Variants in KMT5B observed in about 807,000 individuals in gnomAD.
The protein encoded by KMT5B is lysine methyltransferase 5B, also known as histone-lysine N-methyltransferase KMT5B.
A neutral mutation model predicts 83.2 loss-of-function variants in KMT5B; 10 were observed. The ratio of observed to expected loss-of-function variants is 0.12; its 90% CI spans 0.07 to 0.20. The LOEUF (loss-of-function observed/expected upper bound fraction) is 0.20, where lower values mean the gene tolerates loss of function less well. Ranked by LOEUF, KMT5B falls within the 10% of genes least tolerant of loss-of-function variation. The probability of loss-of-function intolerance (pLI) is 1.00; values close to 1 mark genes in which losing one functional copy is unlikely to be tolerated. For missense variants in KMT5B, 753 were observed against 1,067.2 expected (o/e 0.71, Z 4.10); for synonymous variants, 349 against 388.8 (o/e 0.90, Z 1.20).
At chr11:68,187,485 T>C (rs931464811) in intron 2 of KMT5B, among the ~76,000 whole-genome samples, 26 of 152,248 alleles carry the variant, frequency 1.7e-4, no homozygotes, top group Non-Finnish European at 2.8e-4. Flanking sequence ...TTCTATGTAT[T>C]TGTGAAATTC....
At position 68,167,193 on chromosome 11, in the gene KMT5B, A is replaced by G. The variant is rs771345791; in HGVS notation, c.978-15T>C. ...CAGTGCCCCGTCTGAAAGAGAAAATAGCACAGGTTAAACAAATAGAACACA... is the reference window on the plus strand; with the variant it reads ...CAGTGCCCCGTCTGAAAGAGAAAATGGCACAGGTTAAACAAATAGAACACA... On this transcript the variant is annotated splice_polypyrimidine_tract_variant and intron_variant, in intron 9 of 10. Transcript: ENST00000304363. The G allele has an allele frequency of 5.4e-5, 86 of 1,591,680 alleles. No homozygotes were observed. The South Asian group carries it at 9.3e-4, about 17-fold the overall frequency.
At chr11:68,181,113 T>C (rs183395635) in intron 3 of KMT5B, among the ~76,000 whole-genome samples, 213 of 151,780 alleles carry the variant, frequency 1.4e-3, no homozygotes, top group African/African-American at 5.0e-3. Context: ...CTCACTCTGT[T>C]GCCCAGGCTG....
intron 10 of KMT5B, among the ~76,000 whole-genome samples, chr11:68,160,151 G>A (rs957413111): frequency 1.3e-5 from 2 of 152,264 alleles, no homozygotes; most frequent in East Asian, 1.9e-4. Context: ...ATTTCTTTAT[G>A]CTTACGAGGC....
rs781777629 is a variant in KMT5B at position 68,160,025 on chromosome 11, G to T, written c.1175-854C>A. On this transcript the variant is annotated intron_variant, in intron 10 of 10. Transcript: ENST00000304363. The stretch of plus-strand genomic sequence containing the variant: ...TGGTAATGACAACCTGAGTAGTGAT[G>T]AATATGATTCCATTTGAGAATGAGC... Among the ~76,000 whole-genome samples, 73 of 152,230 alleles carry T rather than the reference G, an allele frequency of 4.8e-4. 1 individual carries two copies. The highest frequency in any genetic ancestry group is 4.8e-4 in the Non-Finnish European group (33 of 68,046).
At chr11:68,164,036 T>C (rs1352754136) in intron 10 of KMT5B, among the ~76,000 whole-genome samples, 5 of 152,074 alleles carry the variant, frequency 3.3e-5, no homozygotes, top group Non-Finnish European at 7.4e-5. Context: ...ATCACAGCAC[T>C]AACTTCAGAG....
At chr11:68,202,921 A>C (rs999917544) in intron 1 of KMT5B, among the ~76,000 whole-genome samples, 5 of 151,978 alleles carry the variant, frequency 3.3e-5, no homozygotes, top group Non-Finnish European at 7.4e-5. Context: ...TACCCGCTTT[A>C]ATTCTTTTGA....
At chr11:68,204,767 C>T (rs1859875439) in intron 1 of KMT5B, among the ~76,000 whole-genome samples, 1 of 152,096 alleles carries the variant, frequency 6.6e-6, no homozygotes, top group South Asian at 2.1e-4. Flanking sequence ...TAGGCACCTG[C>T]TGCCACGCCA....
chr11:68,207,289 A>G (rs1860249004), intron 1 of KMT5B, among the ~76,000 whole-genome samples: 1 of 152,118 alleles, frequency 6.6e-6, no homozygotes, highest in Admixed American at 6.6e-5. Context: ...TGGACTACAG[A>G]GCTTCTTACA....
At chr11:68,200,438 G>A (rs1243017850) in intron 1 of KMT5B, among the ~76,000 whole-genome samples, 1 of 152,196 alleles carries the variant, frequency 6.6e-6, no homozygotes, top group East Asian at 1.9e-4. Flanking sequence ...TGATCTGTGA[G>A]CCTTGCTCAG....
In KMT5B at chr11:68,188,085, C is replaced by T. The variant is rs185546709; in HGVS notation, c.160+1832G>A. On this transcript the variant is annotated intron_variant, in intron 2 of 10. Transcript: ENST00000304363. ...TGTCGCCCAGGCTGGAGTGCAGTGA[C>T]GCAATCTCGGCTCACTGCAAGCTCT... is the stretch of plus-strand genomic sequence containing the variant. 2.3e-3 allele frequency among the ~76,000 whole-genome samples: 345 copies of T among 147,920 alleles called. 2 individuals are homozygous for T. The highest frequency in any genetic ancestry group is 7.1e-3 in the Middle Eastern group (2 of 280).
chr11:68,168,444 T>C lies in KMT5B; in HGVS notation c.978-1266A>G, dbSNP rs565769561. Among the ~76,000 whole-genome samples, 48 of 152,062 alleles carry C rather than the reference T, an allele frequency of 3.2e-4. No homozygotes were observed. The South Asian group carries it at 1.0e-2, about 32-fold the overall frequency. ...CCTGCCTCCTGGGTGCAAGCGATTC[T>C]CCTGCTTCAGCCTCCTGAGTAGCTG... On this transcript the variant is annotated intron_variant, in intron 9 of 10. Transcript: ENST00000304363.
chr11:68,203,035 G>A (rs188767131), intron 1 of KMT5B, among the ~76,000 whole-genome samples: 24 of 152,100 alleles, frequency 1.6e-4, no homozygotes, highest in African/African-American at 5.8e-4. Context: ...TAGTGCAGTG[G>A]CACGATCTCA....
intron 2 of KMT5B, among the ~76,000 whole-genome samples, chr11:68,188,896 A>C (rs1857728465): frequency 6.6e-6 from 1 of 152,142 alleles, no homozygotes; most frequent in African/African-American, 2.4e-5. Context: ...CTCAGGAGTG[A>C]GTGGTGTCCA....
intron 9 of KMT5B, among the ~76,000 whole-genome samples, chr11:68,168,049 G>T (rs552022014): frequency 6.6e-6 from 1 of 152,150 alleles, no homozygotes; most frequent in East Asian, 1.9e-4. Flanking sequence ...GATGGCAGGC[G>T]CCTGTAGTCC....
At chr11:68,207,730 G>A (rs542095231) in intron 1 of KMT5B, among the ~76,000 whole-genome samples, 4 of 149,764 alleles carry the variant, frequency 2.7e-5, no homozygotes, top group East Asian at 4.1e-4. Flanking sequence ...GGCAGAGGTT[G>A]TGGTGAACCA....
At chr11:68,201,777 C>A (rs928483873) in intron 1 of KMT5B, among the ~76,000 whole-genome samples, 14 of 151,990 alleles carry the variant, frequency 9.2e-5, no homozygotes, top group Non-Finnish European at 1.3e-4. Context: ...AGTCAATACA[C>A]ATTTTTAAAA....
At chr11:68,191,491 A>T (rs897388552) in intron 1 of KMT5B, among the ~76,000 whole-genome samples, 1 of 151,846 alleles carries the variant, frequency 6.6e-6, no homozygotes, top group Non-Finnish European at 1.5e-5. Flanking sequence ...GCACCACCAC[A>T]CCCAGCTAAT....
chr11:68,157,580 T>C lies in KMT5B; in HGVS notation c.*108A>G. Reference sequence around the variant, plus strand: ...CTTTCTACAATAGTATGCTGATAAGTGAAGGGACAATAGAAGTGCTGCCAC... The same window carrying C: ...CTTTCTACAATAGTATGCTGATAAGCGAAGGGACAATAGAAGTGCTGCCAC... On this transcript the variant is annotated 3_prime_UTR_variant, in exon 11 of 11. Coordinates refer to ENST00000304363, the MANE Select transcript of KMT5B (RefSeq NM_017635.5). 6.9e-7 allele frequency: 1 copy of C among 1,445,390 alleles called. No individual in the cohort carries two copies. Among genetic ancestry groups the C allele is most frequent in the Admixed American group, 2.6e-5 (1 of 38,834 alleles). 89.5% of individuals were successfully genotyped at this position (1,445,390 alleles called of 1,614,324 possible).
At chr11:68,203,145 T>C (rs1679047598) in intron 1 of KMT5B, among the ~76,000 whole-genome samples, 1 of 151,906 alleles carries the variant, frequency 6.6e-6, no homozygotes, top group Admixed American at 6.6e-5. Context: ...CCAGCTAATT[T>C]TTGTATTTTT....
Sources: allele counts gnomAD v4.1 joint callset (sites outside exome capture counted in the v4.1 genomes callset), GRCh38; gene constraint gnomAD v4.1.1; transcripts MANE v1.5; gene names NCBI Gene and HGNC (gene_info 2026-07-23, HGNC 2026-07-21).